The following KIAA0040 variants were observed in gnomAD, a reference collection of about 807,000 sequenced individuals.
The protein encoded by KIAA0040 is uncharacterized protein KIAA0040.
Under a neutral mutation model 7.2 loss-of-function variants are expected in KIAA0040, and 10 were observed. The ratio of observed to expected loss-of-function variants is 1.38; its 90% CI spans 0.85 to 2.34. The LOEUF is 2.34. KIAA0040 is among the 30% of genes most tolerant of loss of function. The pLI is 0.00. For synonymous variants in KIAA0040, 49 were observed against 40.1 expected (o/e 1.22, Z -0.84); for missense variants, 89 against 108.2 (o/e 0.82, Z 0.79).
chr1:175,174,834 A>T (rs1391564353), intron 2 of KIAA0040, among the ~76,000 whole-genome samples: 1 of 151,906 alleles, frequency 6.6e-6, no homozygotes, highest in Non-Finnish European at 1.5e-5. Flanking sequence ...TACATACATG[A>T]TCTGACCACA....
intron 1 of KIAA0040, among the ~76,000 whole-genome samples, chr1:175,178,651 T>C (rs1207699225): frequency 6.6e-6 from 1 of 152,256 alleles, no homozygotes; most frequent in Non-Finnish European, 1.5e-5. Context: ...TCACGAACCT[T>C]AGAGCACTGA....
intron 3 of KIAA0040, among the ~76,000 whole-genome samples, chr1:175,164,634 G>A (rs183603933): frequency 8.8e-4 from 134 of 151,898 alleles, no homozygotes; most frequent in African/African-American, 3.0e-3. Context: ...GGACTTATTT[G>A]AGGCTGCTCC....
At chr1:175,174,314 G>C (rs985733231) in intron 2 of KIAA0040, among the ~76,000 whole-genome samples, 4 of 152,214 alleles carry the variant, frequency 2.6e-5, no homozygotes, top group African/African-American at 9.6e-5. Flanking sequence ...GATGAGGGAT[G>C]TTTGCAAGAG....
rs1677255364 is a variant in KIAA0040, at chr1:175,177,615, T to G, written c.-314A>C. On this transcript the variant is annotated 5_prime_UTR_variant, in exon 2 of 4. Coordinates refer to ENST00000423313, the MANE Select transcript of KIAA0040 (RefSeq NM_014656.3). The stretch of plus-strand genomic sequence containing the variant: ...TGAGAAGAAGTTACAACTCACTCAG[T>G]GTGTGTCCTTGGGAAGGTCACTCAG... 1 of 152,242 alleles carries G rather than the reference T, an allele frequency of 6.6e-6. No homozygotes were observed. The highest frequency in any genetic ancestry group is 1.5e-5 in the Non-Finnish European group (1 of 68,040). 9.4% of individuals were successfully genotyped at this position (152,242 alleles called of 1,614,324 possible). A position where few individuals can be genotyped will look rare whatever the true frequency, so the allele number is the denominator to read the frequency against.
Position 175,160,949 on chromosome 1 carries a change from C to A in KIAA0040, c.65G>T (p.Gly22Val). 6.4e-7 allele frequency: 1 copy of A among 1,551,446 alleles called. No individual in the cohort carries two copies. ...WDTILTKHQEGIYNTICLGVL... is the reference protein window; with the variant it reads ...WDTILTKHQEVIYNTICLGVL... ...TCCCAGGCAGATGGTGTTGTAGATGCCTTCTTGGTGTTTGGTCAAGATGGT... is the reference window on the plus strand; with the variant it reads ...TCCCAGGCAGATGGTGTTGTAGATGACTTCTTGGTGTTTGGTCAAGATGGT... The change falls in exon 4 of 4, where the codon GGC becomes GTC. Residue 22 changes from glycine (G) to valine (V), a missense_variant. Gly to Val is a moderately radical substitution (Grantham distance 109). Coordinates refer to ENST00000423313, the MANE Select transcript of KIAA0040 (RefSeq NM_014656.3).
In KIAA0040 at chr1:175,175,889, G is replaced by C. The variant is rs534131288; in HGVS notation, c.-310+1722C>G. On this transcript the variant is annotated intron_variant, in intron 2 of 3. Transcript: ENST00000423313. ...TGGGGCCCATCGTGGGGTCAGGGGAGGGGGAAGGGATAGCATTAGGAGATA... is the reference window on the plus strand; with the variant it reads ...TGGGGCCCATCGTGGGGTCAGGGGACGGGGAAGGGATAGCATTAGGAGATA... Among the ~76,000 whole-genome samples, 9 of 152,240 alleles carry C rather than the reference G, an allele frequency of 5.9e-5. No homozygotes were observed. In the South Asian group the frequency reaches 1.2e-3, roughly 21 times the overall value.
intron 2 of KIAA0040, among the ~76,000 whole-genome samples, chr1:175,176,196 G>A (rs1318126972): frequency 6.6e-6 from 1 of 152,064 alleles, no homozygotes; most frequent in African/African-American, 2.4e-5. Context: ...CTAATGAAGT[G>A]GCAAAAATGT....
chr1:175,184,419 T>C (rs1364436065), intron 1 of KIAA0040, among the ~76,000 whole-genome samples: 1 of 152,158 alleles, frequency 6.6e-6, no homozygotes. Flanking sequence ...CCCTCTTCCC[T>C]TGTCTTCTTC....
intron 1 of KIAA0040, among the ~76,000 whole-genome samples, chr1:175,178,256 A>G (rs1210804239): frequency 6.6e-6 from 1 of 152,226 alleles, no homozygotes; most frequent in Non-Finnish European, 1.5e-5. Context: ...TCTGACAAGC[A>G]CATTCCATCC....
intron 1 of KIAA0040, among the ~76,000 whole-genome samples, chr1:175,182,614 C>A (rs983508694): frequency 6.6e-6 from 1 of 152,206 alleles, no homozygotes; most frequent in East Asian, 1.9e-4. Flanking sequence ...TTTCAGTCTA[C>A]GCTCTCACCC....
chr1:175,162,387 C>T (rs1676580140), intron 3 of KIAA0040, among the ~76,000 whole-genome samples: 2 of 152,184 alleles, frequency 1.3e-5, no homozygotes, highest in South Asian at 4.1e-4. Context: ...TAGAGACCCA[C>T]CCAGGCCACA....
intron 2 of KIAA0040, among the ~76,000 whole-genome samples, chr1:175,175,356 C>A (rs1184774502): frequency 2.0e-5 from 3 of 151,160 alleles, no homozygotes. Flanking sequence ...GAATGGCAAT[C>A]ATTAAAAAGT....
At chr1:175,176,044 AT>A (rs1219242730) in intron 2 of KIAA0040, among the ~76,000 whole-genome samples, 12 of 152,370 alleles carry the variant, frequency 7.9e-5, no homozygotes, top group African/African-American at 2.9e-4. Context: ...AAATAAAAAA[AT>A]AAAACTTGCA....
chr1:175,172,215 A>T (rs979304977), intron 2 of KIAA0040, among the ~76,000 whole-genome samples: 4 of 152,166 alleles, frequency 2.6e-5, no homozygotes, highest in African/African-American at 9.7e-5. Context: ...ATGAGAAATT[A>T]TGTCTGATTC....
Position 175,163,929 on chromosome 1 carries a change from G to A in KIAA0040, c.-134+2633C>T, listed in dbSNP as rs145997492. Among the ~76,000 whole-genome samples, 59 of 152,294 alleles carry A rather than the reference G, an allele frequency of 3.9e-4. No homozygotes were observed. The East Asian group carries it at 6.9e-3, about 18-fold the overall frequency. On this transcript the variant is annotated intron_variant, in intron 3 of 3. Transcript: ENST00000423313. ...ATGAAGGTGGAGCCACCTGGGGGACGACCTTGAAGATGCGTAGTATTTTGA... is the reference window on the plus strand; with the variant it reads ...ATGAAGGTGGAGCCACCTGGGGGACAACCTTGAAGATGCGTAGTATTTTGA...
At chr1:175,192,859 C>A (rs1330555178), upstream of KIAA0040, 1 of 149,358 alleles carries the variant, frequency 6.7e-6, no homozygotes, top group African/African-American at 2.5e-5. Flanking sequence ...CCCGCGCGTA[C>A]CTGCCGCTGC....
chr1:175,176,347 A>G (rs999248284), intron 2 of KIAA0040: 14 of 152,250 alleles, frequency 9.2e-5, no homozygotes, highest in African/African-American at 3.4e-4. Context: ...AAATGCAAAG[A>G]TCAAATCATA....
At position 175,157,188 on chromosome 1, in the gene KIAA0040, C is replaced by T. The variant is rs1034318200; in HGVS notation, c.*3526G>A. On this transcript the variant is annotated 3_prime_UTR_variant, in exon 4 of 4. Transcript: ENST00000423313. ...ACTGGATTTAACTCAAAGGTCCATT[C>T]TTCCTTAGGTTTTTGCTATTTCCCC... 2.6e-5 allele frequency: 4 copies of T among 152,232 alleles called. No individual in the cohort carries two copies. The highest frequency in any genetic ancestry group is 4.8e-5 in the African/African-American group (2 of 41,458). The allele number at this position is 152,232 out of a possible 1,614,324, so 9.4% of individuals were successfully genotyped here.
chr1:175,173,307 T>C (rs570006935), intron 2 of KIAA0040, among the ~76,000 whole-genome samples: 3 of 152,332 alleles, frequency 2.0e-5, no homozygotes, highest in African/African-American at 7.2e-5. Context: ...GCAAAAGTCT[T>C]ATCACCTTTC....
Sources: allele counts gnomAD v4.1 joint callset (sites outside exome capture counted in the v4.1 genomes callset), GRCh38; gene constraint gnomAD v4.1.1; transcripts MANE v1.5; gene names NCBI Gene and HGNC (gene_info 2026-07-23, HGNC 2026-07-21).